The following PTPN20 variants were observed in gnomAD, a reference collection of about 807,000 sequenced individuals.
The protein encoded by PTPN20 is tyrosine-protein phosphatase non-receptor type 20.
A neutral mutation model predicts 35.0 loss-of-function variants in PTPN20; 9 were observed. The observed-to-expected ratio is 0.26, with a 90% CI of 0.15 to 0.45. The LOEUF (loss-of-function observed/expected upper bound fraction) is 0.45, where lower values mean the gene tolerates loss of function less well. Among genes scored for constraint, PTPN20 ranks in the 20% least tolerant of loss-of-function variants. PTPN20 has a pLI of 1.00. For missense variants in PTPN20, 111 were observed against 312.5 expected (o/e 0.36, Z 4.86); for synonymous variants, 32 against 100.2 (o/e 0.32, Z 4.06).
At chr10:46,966,392 G>C (rs1331801014) in intron 6 of PTPN20, among the ~76,000 whole-genome samples, 2 of 152,086 alleles carry the variant, frequency 1.3e-5, no homozygotes, top group Non-Finnish European at 2.9e-5. Context: ...TGCTTTTGGG[G>C]CTTCTGGGTT....
intron 7 of PTPN20, among the ~76,000 whole-genome samples, chr10:46,975,924 G>C (rs2053438181): frequency 6.6e-6 from 1 of 151,570 alleles, no homozygotes; most frequent in South Asian, 2.1e-4. Context: ...GCCTCCCAAA[G>C]TGCTGGGATT....
intron 4 of PTPN20, among the ~76,000 whole-genome samples, chr10:46,945,105 G>A (rs1229767029): frequency 1.5e-5 from 2 of 137,692 alleles, no homozygotes; most frequent in Admixed American, 1.4e-4. Context: ...GCTGCCAAGA[G>A]TTGTAGGGTG....
chr10:46,983,400 T>TA (rs1279063338), intron 7 of PTPN20, among the ~76,000 whole-genome samples: 1 of 150,204 alleles, frequency 6.7e-6, no homozygotes, highest in Non-Finnish European at 1.5e-5. Context: ...TAAGGAGAGG[T>TA]TATTGGTGAG....
At chr10:46,935,729 C>G (rs1243039519) in intron 2 of PTPN20, among the ~76,000 whole-genome samples, 5 of 151,740 alleles carry the variant, frequency 3.3e-5, no homozygotes, top group Non-Finnish European at 7.4e-5. Flanking sequence ...TAGGTTGATT[C>G]CATGTCTTTG....
intron 9 of PTPN20, among the ~76,000 whole-genome samples, chr10:46,994,389 C>T (rs1272969720): frequency 1.6e-5 from 2 of 125,782 alleles, no homozygotes; most frequent in East Asian, 2.8e-4. Context: ...AGTGCAGTGG[C>T]GCAATCTCGG....
At chr10:46,929,384 C>A (rs1245259486) in intron 1 of PTPN20, among the ~76,000 whole-genome samples, 7 of 149,776 alleles carry the variant, frequency 4.7e-5, no homozygotes, top group Admixed American at 3.3e-4. Context: ...TGCACCTTCC[C>A]CAGGAGTTGG....
intron 5 of PTPN20, among the ~76,000 whole-genome samples, chr10:46,954,328 C>A (rs1555150302): frequency 6.7e-6 from 1 of 148,438 alleles, no homozygotes. Context: ...AAGGGCTATT[C>A]TAATGACTTC....
In PTPN20 at chr10:47,001,706, A is replaced by G. The variant is rs1262019718; in HGVS notation, c.*965A>G. The G allele has an allele frequency of 4.0e-5, 6 of 151,504 alleles. No individual in the cohort carries two copies. The highest frequency in any genetic ancestry group is 1.5e-4 in the African/African-American group (6 of 41,200). The allele number at this position is 151,504 out of a possible 1,614,324, so 9.4% of individuals were successfully genotyped here. On this transcript the variant is annotated 3_prime_UTR_variant, in exon 11 of 11. Coordinates refer to ENST00000374339, the MANE Select transcript of PTPN20 (RefSeq NM_001042357.5). ...AATCATTTATTTCCTTTACTTTCTC[A>G]CCTCTGTTGAAACATTTAGAAACTG...
rs971475475 is a variant in PTPN20 at position 46,993,809 on chromosome 10, T to G, written c.1135-6103T>G. 1.1e-4 allele frequency among the ~76,000 whole-genome samples: 17 copies of G among 152,344 alleles called. No homozygotes were observed. In the South Asian group the frequency reaches 3.3e-3, roughly 30 times the overall value. On this transcript the variant is annotated intron_variant, in intron 9 of 10. Transcript: ENST00000374339. ...TTATCTTTCAGCTTCATACCAGAGT[T>G]AGGCATGGATTGCACACCATCATTA...
intron 1 of PTPN20, among the ~76,000 whole-genome samples, chr10:46,923,865 G>C (rs1265910278): frequency 6.6e-6 from 1 of 151,950 alleles, no homozygotes; most frequent in East Asian, 1.9e-4. Flanking sequence ...GCTTTCCTTT[G>C]TCAAAGTTTG....
At chr10:46,966,188 G>A (rs1287945684) in intron 6 of PTPN20, among the ~76,000 whole-genome samples, 2 of 151,272 alleles carry the variant, frequency 1.3e-5, no homozygotes, top group Non-Finnish European at 2.9e-5. Flanking sequence ...CAAAGTGCTG[G>A]GATTACAGGC....
At chr10:46,920,503 T>C (rs1344513859) in intron 1 of PTPN20, among the ~76,000 whole-genome samples, 1 of 150,592 alleles carries the variant, frequency 6.6e-6, no homozygotes, top group Non-Finnish European at 1.5e-5. Flanking sequence ...AGTATATATA[T>C]ATGCTCCATA....
chr10:46,953,593 C>A (rs1323693645), intron 5 of PTPN20, among the ~76,000 whole-genome samples: 1 of 137,210 alleles, frequency 7.3e-6, no homozygotes, highest in Non-Finnish European at 1.5e-5. Flanking sequence ...TCCTATTATC[C>A]TAGTTTCCCG....
chr10:46,927,572 A>G (rs1311868571), intron 1 of PTPN20, among the ~76,000 whole-genome samples: 6 of 149,492 alleles, frequency 4.0e-5, no homozygotes, highest in African/African-American at 1.2e-4. Context: ...CTTTCCTTCT[A>G]CCAATCTCCT....
chr10:46,975,833 G>A (rs1224223367), intron 7 of PTPN20, among the ~76,000 whole-genome samples: 3 of 150,916 alleles, frequency 2.0e-5, no homozygotes, highest in South Asian at 4.2e-4. Context: ...GGCTAATTTT[G>A]TATTTTTAGT....
chr10:46,932,257 T>C (rs2039914039), intron 1 of PTPN20, 120 bp from the exon 2 acceptor site: 3 of 1,376,674 alleles, frequency 2.2e-6, no homozygotes, highest in Non-Finnish European at 2.9e-6. Flanking sequence ...ATGAAATTTA[T>C]TTTGTCTTTA....
chr10:46,992,994 C>T (rs946224176), intron 9 of PTPN20, among the ~76,000 whole-genome samples: 2 of 152,148 alleles, frequency 1.3e-5, no homozygotes, highest in Non-Finnish European at 2.9e-5. Context: ...GGCCAACACT[C>T]TGTATGGGAT....
chr10:46,919,125 T>C (rs1263717032), intron 1 of PTPN20, among the ~76,000 whole-genome samples: 2 of 151,476 alleles, frequency 1.3e-5, no homozygotes, highest in Non-Finnish European at 3.0e-5. Context: ...GATTAGTGTT[T>C]ACATGGGTTA....
rs1565656225 is a variant in PTPN20, at chr10:47,000,703, G to A, written c.1225G>A (p.Val409Met). 2.5e-6 allele frequency: 4 copies of A among 1,613,296 alleles called. No individual in the cohort carries two copies. The highest frequency in any genetic ancestry group is 2.7e-5 in the African/African-American group (2 of 74,834). ...GCAGTATCACTTTTGTTACGATATTGTGCTTGAAGTTCTTCGGAAACTTCT... is the reference window on the plus strand; with the variant it reads ...GCAGTATCACTTTTGTTACGATATTATGCTTGAAGTTCTTCGGAAACTTCT... ...KEQYHFCYDI[V>M]LEVLRKLLTL... The change falls in exon 11 of 11, where the codon GTG (valine) becomes ATG (methionine). Residue 409 changes from valine (V) to methionine (M), a missense_variant. Coordinates refer to ENST00000374339, the MANE Select transcript of PTPN20 (RefSeq NM_001042357.5).
Sources: gnomAD v4.1 joint callset for allele counts (sites outside exome capture counted in the v4.1 genomes callset) on GRCh38, gnomAD v4.1.1 for gene constraint, MANE v1.5 for transcripts, NCBI Gene and HGNC (gene_info 2026-07-23, HGNC 2026-07-21) for gene names.